Variants in ROBO2 observed in about 807,000 individuals in gnomAD.
ROBO2 encodes the protein roundabout homolog 2.
A neutral mutation model predicts 160.8 loss-of-function variants in ROBO2; 53 were observed. The observed-to-expected ratio is 0.33, with a 90% CI of 0.26 to 0.41. The LOEUF is 0.41. Among genes scored for constraint, ROBO2 ranks in the 10% least tolerant of loss-of-function variants. The pLI is 1.00. For missense variants in ROBO2, 1,577 were observed against 1,722.4 expected (o/e 0.92, Z 1.49); for synonymous variants, 664 against 611.7 (o/e 1.09, Z -1.26).
At chr3:76,191,896 T>C (rs1193437951) in intron 2 of ROBO2, among the ~76,000 whole-genome samples, 4 of 151,902 alleles carry the variant, frequency 2.6e-5, no homozygotes, top group Non-Finnish European at 5.9e-5. Flanking sequence ...CTATTTTCAC[T>C]CCAATAACCT....
intron 20 of ROBO2, among the ~76,000 whole-genome samples, chr3:77,607,449 T>A (rs2094547263): frequency 6.6e-6 from 1 of 152,152 alleles, no homozygotes; most frequent in Non-Finnish European, 1.5e-5. Flanking sequence ...GCATTATAAG[T>A]GTACTAAAAT....
intron 2 of ROBO2, among the ~76,000 whole-genome samples, chr3:76,411,559 T>A (rs1279645751): frequency 6.6e-6 from 1 of 152,154 alleles, no homozygotes; most frequent in Non-Finnish European, 1.5e-5. Flanking sequence ...TTTTCTGCCA[T>A]AGTTCTTCAG....
At chr3:77,182,799 C>G (rs2080915612) in intron 2 of ROBO2, among the ~76,000 whole-genome samples, 1 of 152,066 alleles carries the variant, frequency 6.6e-6, no homozygotes, top group South Asian at 2.1e-4. Context: ...TAAGTAAAGA[C>G]TGTGGAGAGA....
intron 2 of ROBO2, among the ~76,000 whole-genome samples, chr3:76,106,026 G>A (rs1385466333): frequency 6.6e-6 from 1 of 152,020 alleles, no homozygotes; most frequent in Non-Finnish European, 1.5e-5. Flanking sequence ...TCAGGTTAGA[G>A]GTTCAATATT....
rs140738506 is a variant in ROBO2, at chr3:76,094,231, T to A, written c.109+156629T>A. 9.1e-4 allele frequency among the ~76,000 whole-genome samples: 139 copies of A among 152,184 alleles called. 2 individuals are homozygous for A. Among genetic ancestry groups the A allele is most frequent in the Admixed American group, 6.7e-3 (102 of 15,290 alleles). ...AAAGAATTTTTCTCAAAATAATCAA[T>A]TCTGTGTGCCTGCCTTGTAGGATCG... On this transcript the variant is annotated intron_variant, in intron 2 of 26. Coordinates refer to the ROBO2 transcript ENST00000487694.
chr3:75,950,031 T>TGTC (rs1400104465), intron 2 of ROBO2, among the ~76,000 whole-genome samples: 2 of 151,646 alleles, frequency 1.3e-5, no homozygotes, highest in Non-Finnish European at 2.9e-5. Context: ...TGTGTGTGTG[T>TGTC]GTGTGTGAGT....
intron 1 of ROBO2, among the ~76,000 whole-genome samples, chr3:77,068,705 G>A (rs2149818373): frequency 6.6e-6 from 1 of 152,122 alleles, no homozygotes; most frequent in East Asian, 1.9e-4. Context: ...TAGAATACGT[G>A]AATAAAGTAA....
intron 4 of ROBO2, among the ~76,000 whole-genome samples, chr3:77,481,604 T>C (rs760994904): frequency 3.9e-5 from 6 of 152,122 alleles, no homozygotes; most frequent in South Asian, 4.1e-4. Context: ...GAGAGTATAG[T>C]ATAAAAAAAC....
intron 2 of ROBO2, among the ~76,000 whole-genome samples, chr3:77,422,675 C>T: frequency 6.6e-6 from 1 of 152,074 alleles, no homozygotes; most frequent in East Asian, 1.9e-4. Flanking sequence ...TTTATTTGAC[C>T]TCCCCTGGTT....
chr3:77,627,787 GA>G (rs1330516676), intron 23 of ROBO2, among the ~76,000 whole-genome samples: 1 of 152,156 alleles, frequency 6.6e-6, no homozygotes, highest in Non-Finnish European at 1.5e-5. Context: ...AATATTGGTT[GA>G]AAAAATGGAG....
chr3:77,069,772 T>C (rs2067219498), intron 1 of ROBO2, among the ~76,000 whole-genome samples: 1 of 152,122 alleles, frequency 6.6e-6, no homozygotes, highest in African/African-American at 2.4e-5. Context: ...GATAGAGTCC[T>C]TGAGGGGGAG....
At chr3:77,348,950 G>T (rs114530530) in intron 2 of ROBO2, among the ~76,000 whole-genome samples, 1 of 151,816 alleles carries the variant, frequency 6.6e-6, no homozygotes, top group African/African-American at 2.4e-5. Context: ...TTCTTCTCCC[G>T]AAAAGCTTCT....
At chr3:77,342,825 T>C (rs1471491634) in intron 2 of ROBO2, among the ~76,000 whole-genome samples, 6 of 152,324 alleles carry the variant, frequency 3.9e-5, no homozygotes, top group African/African-American at 4.8e-5. Flanking sequence ...AGCTTAGCAC[T>C]GTGTTCCTCT....
intron 2 of ROBO2, among the ~76,000 whole-genome samples, chr3:76,139,431 A>T (rs1341542868): frequency 6.6e-6 from 1 of 152,132 alleles, no homozygotes; most frequent in Non-Finnish European, 1.5e-5. Flanking sequence ...GATGATGATT[A>T]AAAGCAGGCA....
chr3:75,944,096 C>T (rs1948174782), intron 2 of ROBO2, among the ~76,000 whole-genome samples: 3 of 151,978 alleles, frequency 2.0e-5, no homozygotes, highest in African/African-American at 7.3e-5. Flanking sequence ...ACTTTCCTGC[C>T]AGAAAAGTAG....
At chr3:77,171,635 A>G (rs1289179213) in intron 2 of ROBO2, among the ~76,000 whole-genome samples, 6 of 152,152 alleles carry the variant, frequency 3.9e-5, no homozygotes, top group African/African-American at 9.7e-5. Context: ...GGACACTAAT[A>G]AGTTGTGTTG....
At chr3:77,304,340 T>G (rs2062912067) in intron 2 of ROBO2, among the ~76,000 whole-genome samples, 2 of 152,176 alleles carry the variant, frequency 1.3e-5, no homozygotes, top group Admixed American at 1.3e-4. Context: ...AGAGTGGCCA[T>G]TGCCTGAAGG....
intron 20 of ROBO2, among the ~76,000 whole-genome samples, chr3:77,602,697 G>A (rs574752606): frequency 1.6e-3 from 86 of 53,912 alleles, no homozygotes; most frequent in Admixed American, 0.012. Flanking sequence ...CACCGCCGCC[G>A]CCACCACCAC....
At chr3:76,267,263 A>G (rs1009433747) in intron 2 of ROBO2, among the ~76,000 whole-genome samples, 6 of 152,182 alleles carry the variant, frequency 3.9e-5, no homozygotes, top group African/African-American at 1.4e-4. Flanking sequence ...CCTTTGGCAA[A>G]TAGATTTATT....
Sources: allele counts gnomAD v4.1 joint callset (sites outside exome capture counted in the v4.1 genomes callset), GRCh38; gene constraint gnomAD v4.1.1; transcripts MANE v1.5; gene names NCBI Gene and HGNC (gene_info 2026-07-23, HGNC 2026-07-21).